CDH2: variants seen among roughly 807,000 people sequenced by gnomAD.
CDH2 encodes the protein cadherin 2.
A neutral mutation model predicts 92.0 loss-of-function variants in CDH2; 17 were observed. The ratio of observed to expected loss-of-function variants is 0.18; its 90% CI spans 0.13 to 0.28. The LOEUF is 0.28. CDH2 is among the 10% of genes least tolerant of loss of function. The pLI is 1.00. For synonymous variants in CDH2, 419 were observed against 415.9 expected, an observed-to-expected ratio of 1.01 and a Z score of -0.09; for missense variants, 862 against 1,133.1, an observed-to-expected ratio of 0.76 and a Z score of 3.44.
At chr18:28,002,927 T>G (rs1424969593) in intron 7 of CDH2, 70 bp downstream of exon 7, 1 of 1,298,556 alleles carries the variant, frequency 7.7e-7, no homozygotes, top group South Asian at 1.2e-5. Context: ...GGAGATAAAA[T>G]GTATGTGATA....
chr18:27,947,792 G>GTATATGTGA (rs1384745226), downstream of CDH2, among the ~76,000 whole-genome samples: 15 of 151,674 alleles, frequency 9.9e-5, no homozygotes, highest in East Asian at 5.8e-4. Flanking sequence ...TGTGATATAA[G>GTATATGTGA]TATATGTGAT....
At chr18:27,998,107 A>G (rs1331544513) in intron 7 of CDH2, among the ~76,000 whole-genome samples, 1 of 152,016 alleles carries the variant, frequency 6.6e-6, no homozygotes, top group Non-Finnish European at 1.5e-5. Context: ...CTCCTGGCCA[A>G]CTCTGTTCAA....
chr18:28,030,722 C>T (rs1305241085), intron 2 of CDH2, among the ~76,000 whole-genome samples: 1 of 151,878 alleles, frequency 6.6e-6, no homozygotes, highest in African/African-American at 2.4e-5. Context: ...TGAGGCTGGG[C>T]TTGAGCAAAG....
At chr18:28,002,471 T>C (rs145154204) in intron 7 of CDH2, among the ~76,000 whole-genome samples, 6 of 152,214 alleles carry the variant, frequency 3.9e-5, no homozygotes, top group African/African-American at 1.2e-4. Flanking sequence ...ATTAATGCAG[T>C]TACTACTGCT....
intron 2 of CDH2, among the ~76,000 whole-genome samples, chr18:28,022,222 G>A (rs1203680545): frequency 1.3e-5 from 2 of 151,786 alleles, no homozygotes; most frequent in Non-Finnish European, 2.9e-5. Flanking sequence ...TAGTTGCCAT[G>A]TCAGGGCTTA....
intron 14 of CDH2, among the ~76,000 whole-genome samples, chr18:27,972,728 T>C (rs1054270720): frequency 1.3e-5 from 2 of 152,314 alleles, no homozygotes; most frequent in Admixed American, 1.3e-4. Context: ...TAACATTCTA[T>C]GAGTGTTGCC....
At chr18:28,021,601 ATTATT>A (rs1320771124) in intron 2 of CDH2, among the ~76,000 whole-genome samples, 1 of 151,988 alleles carries the variant, frequency 6.6e-6, no homozygotes, top group African/African-American at 2.4e-5. Flanking sequence ...CAGGGAAATA[ATTATT>A]TTAAAGAAAT....
At chr18:28,154,818 A>G (rs1168920096) in intron 1 of CDH2, among the ~76,000 whole-genome samples, 2 of 152,156 alleles carry the variant, frequency 1.3e-5, no homozygotes, top group African/African-American at 4.8e-5. Flanking sequence ...TTCCTCATTA[A>G]GATCATTTAT....
At chr18:28,148,583 G>A (rs2016073926) in intron 1 of CDH2, among the ~76,000 whole-genome samples, 1 of 152,274 alleles carries the variant, frequency 6.6e-6, no homozygotes, top group African/African-American at 2.4e-5. Context: ...AGCTCCTGTA[G>A]CATCTGCATT....
chr18:28,103,716 T>A (rs899025291), intron 2 of CDH2, among the ~76,000 whole-genome samples: 8 of 151,978 alleles, frequency 5.3e-5, no homozygotes, highest in Admixed American at 1.3e-4. Context: ...GTGTTCTCAT[T>A]ATTCAATTCC....
At chr18:28,170,414 C>T (rs1258082352) in intron 1 of CDH2, among the ~76,000 whole-genome samples, 3 of 152,040 alleles carry the variant, frequency 2.0e-5, no homozygotes, top group Admixed American at 6.6e-5. Context: ...GGCATGATCT[C>T]GGCTCACTGC....
intron 2 of CDH2, among the ~76,000 whole-genome samples, chr18:28,047,230 G>C (rs1300808610): frequency 6.6e-6 from 1 of 152,156 alleles, no homozygotes; most frequent in South Asian, 2.1e-4. Context: ...AAGCTTGCTA[G>C]AAGCCAAAAA....
chr18:27,942,150 G>T (rs545501768), intron 6 of CDH2, among the ~76,000 whole-genome samples: 1 of 152,230 alleles, frequency 6.6e-6, no homozygotes, highest in South Asian at 2.1e-4. Context: ...TATACTGGAA[G>T]GGCAAAAAGA....
At chr18:28,056,178 A>C (rs2014289768) in intron 2 of CDH2, among the ~76,000 whole-genome samples, 1 of 152,128 alleles carries the variant, frequency 6.6e-6, no homozygotes, top group Admixed American at 6.5e-5. Context: ...GGATATTAGA[A>C]GGTTGTGGAG....
intron 2 of CDH2, among the ~76,000 whole-genome samples, chr18:28,142,509 G>A (rs2015970778): frequency 6.6e-6 from 1 of 151,006 alleles, no homozygotes; most frequent in South Asian, 2.1e-4. Context: ...AAACAAGAAG[G>A]ATGGAAAGTT....
At chr18:28,168,964 T>C (rs1363062199) in intron 1 of CDH2, among the ~76,000 whole-genome samples, 2 of 152,140 alleles carry the variant, frequency 1.3e-5, no homozygotes, top group Non-Finnish European at 2.9e-5. Flanking sequence ...ATGACAAATA[T>C]GGTTTTATTC....
intron 2 of CDH2, among the ~76,000 whole-genome samples, chr18:28,037,889 G>C (rs4144654): frequency 0.16 from 25,052 of 151,996 alleles, 2,359 homozygotes; most frequent in East Asian, 0.29. Flanking sequence ...AATGGGAACA[G>C]GAATCTCAAA....
intron 14 of CDH2, among the ~76,000 whole-genome samples, chr18:27,980,629 T>C (rs2143940087): frequency 6.6e-6 from 1 of 152,176 alleles, no homozygotes; most frequent in South Asian, 2.1e-4. Flanking sequence ...TAGACTAATA[T>C]GCTATCAAAG....
At chr18:27,972,917 C>T (rs1275105621) in intron 14 of CDH2, among the ~76,000 whole-genome samples, 1 of 152,122 alleles carries the variant, frequency 6.6e-6, no homozygotes, top group Non-Finnish European at 1.5e-5. Context: ...GACAAGATGT[C>T]TTGAGATGAA....
Sources: gnomAD v4.1 joint callset for allele counts (sites outside exome capture counted in the v4.1 genomes callset) on GRCh38, gnomAD v4.1.1 for gene constraint, MANE v1.5 for transcripts, NCBI Gene and HGNC (gene_info 2026-07-23, HGNC 2026-07-21) for gene names.